GRID2: variants seen among roughly 807,000 people sequenced by gnomAD.
GRID2 encodes glutamate receptor ionotropic, delta-2.
A neutral mutation model predicts 114.8 loss-of-function variants in GRID2; 33 were observed. The ratio of observed to expected loss-of-function variants is 0.29; its 90% CI spans 0.22 to 0.38. GRID2 has a LOEUF of 0.38. Among genes scored for constraint, GRID2 ranks in the 10% least tolerant of loss-of-function variants. The probability of loss-of-function intolerance (pLI) is 1.00; values close to 1 mark genes in which losing one functional copy is unlikely to be tolerated. For missense variants in GRID2, 1,184 were observed against 1,257.7 expected, an observed-to-expected ratio of 0.94 and a Z score of 0.89; for synonymous variants, 505 against 449.9, an observed-to-expected ratio of 1.12 and a Z score of -1.55.
At chr4:93,049,576 A>G (rs1442341308) in intron 2 of GRID2, among the ~76,000 whole-genome samples, 1 of 152,052 alleles carries the variant, frequency 6.6e-6, no homozygotes, top group East Asian at 1.9e-4. Context: ...CAAAGGGAAA[A>G]GTTTCCAGCA....
intron 2 of GRID2, among the ~76,000 whole-genome samples, chr4:93,017,531 T>C (rs886646007): frequency 6.6e-6 from 1 of 152,056 alleles, no homozygotes; most frequent in Admixed American, 6.6e-5. Context: ...TATATATATA[T>C]GGCCACGCGC....
chr4:92,601,657 A>G (rs983397472), intron 2 of GRID2, among the ~76,000 whole-genome samples: 1 of 152,136 alleles, frequency 6.6e-6, no homozygotes, highest in Non-Finnish European at 1.5e-5. Flanking sequence ...CCCAAAGCTA[A>G]CATAAAACAA....
chr4:92,419,188 C>A (rs1430518421), intron 1 of GRID2, among the ~76,000 whole-genome samples: 1 of 152,098 alleles, frequency 6.6e-6, no homozygotes, highest in Admixed American at 6.6e-5. Context: ...TCTAATCAGT[C>A]TACCAGTAAT....
chr4:92,636,803 C>A (rs1731086581), intron 2 of GRID2, among the ~76,000 whole-genome samples: 1 of 152,018 alleles, frequency 6.6e-6, no homozygotes, highest in Admixed American at 6.6e-5. Flanking sequence ...ACAAGCCAAG[C>A]CTGAATATAA....
chr4:93,115,465 T>G (rs1023583671), intron 4 of GRID2, among the ~76,000 whole-genome samples: 1 of 147,966 alleles, frequency 6.8e-6, no homozygotes, highest in Non-Finnish European at 1.5e-5. Flanking sequence ...GTACTATGTT[T>G]AAATTCTGAG....
chr4:93,206,591 T>TACACACACACACACACACACACACAC (rs5860312), intron 4 of GRID2, among the ~76,000 whole-genome samples: 1 of 142,960 alleles, frequency 7.0e-6, no homozygotes. Flanking sequence ...CTGCCCCTAC[T>TACACACACACACACACACACACACAC]ACACACACAC....
At chr4:92,795,084 G>A (rs763263122) in intron 2 of GRID2, among the ~76,000 whole-genome samples, 14 of 151,418 alleles carry the variant, frequency 9.2e-5, no homozygotes, top group Non-Finnish European at 1.8e-4. Context: ...CAGAAGAGGG[G>A]CAAGATCAGG....
intron 1 of GRID2, among the ~76,000 whole-genome samples, chr4:92,432,090 A>G (rs928757943): frequency 2.6e-5 from 4 of 152,064 alleles, no homozygotes; most frequent in African/African-American, 9.7e-5. Context: ...TTTCCCCTCA[A>G]CAAGCAGAGT....
chr4:93,417,081 G>T (rs1390417884), intron 9 of GRID2, among the ~76,000 whole-genome samples: 4 of 152,062 alleles, frequency 2.6e-5, no homozygotes, highest in Non-Finnish European at 5.9e-5. Context: ...GAAACTAATT[G>T]CTGGAAAATG....
At chr4:93,522,118 C>G (rs750202202) in intron 13 of GRID2, among the ~76,000 whole-genome samples, 7 of 152,042 alleles carry the variant, frequency 4.6e-5, no homozygotes, top group African/African-American at 1.7e-4. Flanking sequence ...CACAGGTAGA[C>G]GGTTTGGACT....
At position 93,552,365 on chromosome 4, in the gene GRID2, C is replaced by A. The variant is rs555307540; in HGVS notation, c.2193+36954C>A. 2.0e-5 allele frequency among the ~76,000 whole-genome samples: 3 copies of A among 152,200 alleles called. No homozygotes were observed. In the South Asian group the frequency reaches 6.2e-4, roughly 32 times the overall value. On this transcript the variant is annotated intron_variant, in intron 13 of 15. Transcript: ENST00000282020. ...ACATGTGCCTGTGTCTTTATAGCAG[C>A]ATGTTTTATAATCCTTTGGGTATAT...
At chr4:92,420,907 ACTC>A (rs1272308070) in intron 1 of GRID2, among the ~76,000 whole-genome samples, 1 of 151,762 alleles carries the variant, frequency 6.6e-6, no homozygotes, top group Non-Finnish European at 1.5e-5. Context: ...CTGATCTCAA[ACTC>A]CTAGCCTCAA....
chr4:93,185,626 C>A (rs1033499472), intron 4 of GRID2, among the ~76,000 whole-genome samples: 11 of 152,056 alleles, frequency 7.2e-5, no homozygotes, highest in Non-Finnish European at 1.6e-4. Context: ...ATATTAATGA[C>A]ACTTCAATGT....
At chr4:93,526,765 C>T (rs555650350) in intron 13 of GRID2, among the ~76,000 whole-genome samples, 10 of 152,108 alleles carry the variant, frequency 6.6e-5, no homozygotes, top group Admixed American at 1.3e-4. Context: ...GCTGAGATTG[C>T]GCCATTGCAC....
chr4:92,544,172 T>A (rs932866785), intron 1 of GRID2, among the ~76,000 whole-genome samples: 5 of 152,158 alleles, frequency 3.3e-5, no homozygotes, highest in African/African-American at 1.2e-4. Context: ...TGCCCTGTAA[T>A]TATCTGAGCT....
At chr4:92,630,568 A>G (rs1730756536) in intron 2 of GRID2, among the ~76,000 whole-genome samples, 1 of 152,136 alleles carries the variant, frequency 6.6e-6, no homozygotes, top group Admixed American at 6.6e-5. Flanking sequence ...TCCTATGCTT[A>G]ATGCAGGAAC....
At chr4:92,916,611 T>C (rs1748819103) in intron 2 of GRID2, among the ~76,000 whole-genome samples, 2 of 151,922 alleles carry the variant, frequency 1.3e-5, no homozygotes, top group African/African-American at 4.8e-5. Context: ...ACATGTGGTG[T>C]TTGGTTTTTT....
intron 1 of GRID2, among the ~76,000 whole-genome samples, chr4:92,325,974 A>G (rs1726573454): frequency 6.6e-6 from 1 of 151,744 alleles, no homozygotes; most frequent in Admixed American, 6.6e-5. Flanking sequence ...ACTGTACTGA[A>G]AAGTTTGTTT....
At chr4:92,428,737 T>C (rs561420222) in intron 1 of GRID2, among the ~76,000 whole-genome samples, 1 of 152,346 alleles carries the variant, frequency 6.6e-6, no homozygotes, top group South Asian at 2.1e-4. Flanking sequence ...ATTTCCTATC[T>C]TTTAATGTTT....
Sources: gnomAD v4.1 joint callset for allele counts (sites outside exome capture counted in the v4.1 genomes callset) on GRCh38, gnomAD v4.1.1 for gene constraint, MANE v1.5 for transcripts, NCBI Gene and HGNC (gene_info 2026-07-23, HGNC 2026-07-21) for gene names.